The following SLC18B1 variants were observed in gnomAD, a reference collection of about 807,000 sequenced individuals.
The protein encoded by SLC18B1 is solute carrier family 18 member B1, also known as MFS-type transporter SLC18B1.
A neutral mutation model predicts 53.9 loss-of-function variants in SLC18B1; 62 were observed. The observed-to-expected ratio is 1.15, with a 90% confidence interval of 0.94 to 1.42. SLC18B1 has a LOEUF of 1.42. Ranked by LOEUF, SLC18B1 falls within the 40% of genes most tolerant of loss-of-function variation. The pLI is 0.00. For missense variants in SLC18B1, 598 were observed against 547.3 expected, an observed-to-expected ratio of 1.09 and a Z score of -0.93; for synonymous variants, 217 against 200.9, an observed-to-expected ratio of 1.08 and a Z score of -0.68.
In SLC18B1 at chr6:132,770,321, G is replaced by A. The variant is rs1183420415; in HGVS notation, c.1320C>T (p.Asn440=). ...YSRRKRSKSQ[N]ILSTEEERTT... Reference sequence around the variant, plus strand: ...TTCGTTCCTCCTCTGTGCTGAGGATGTTTTGAGATTTAGACCTACATTGAG... The same window carrying A: ...TTCGTTCCTCCTCTGTGCTGAGGATATTTTGAGATTTAGACCTACATTGAG... The change falls in exon 14 of 14, where the codon AAC becomes AAT. Residue 440 remains asparagine, a synonymous_variant. Transcript: ENST00000275227. 5 of 1,613,356 alleles carry A rather than the reference G, an allele frequency of 3.1e-6. No individual in the cohort carries two copies. The highest frequency in any genetic ancestry group is 1.3e-5 in the African/African-American group (1 of 74,914).
Position 132,772,199 on chromosome 6 carries a change from C to T in SLC18B1, c.1093G>A (p.Gly365Arg). The T allele has an allele frequency of 6.4e-7, 1 of 1,562,830 alleles. No individual in the cohort carries two copies. The highest frequency in any genetic ancestry group is 8.6e-7 in the Non-Finnish European group (1 of 1,162,166). The part of the protein sequence containing the change: ...PEILSCAHEN[G>R]FEEGLSTLGL... ...AATGTACTTAATCCCTCTTCAAACC[C>T]ATTTTCACTGCAAAAAGAGACATGA... Residue 365 changes from glycine (G) to arginine (R), a missense_variant, in exon 11 of 14, where the codon GGG becomes AGG. Coordinates refer to ENST00000275227, the MANE Select transcript of SLC18B1 (RefSeq NM_052831.3).
chr6:132,798,274 C>T lies in SLC18B1; in HGVS notation c.43+140G>A, dbSNP rs1007252722. 37 of 896,774 alleles carry T rather than the reference C, an allele frequency of 4.1e-5. No homozygotes were observed. The Admixed American group carries it at 7.5e-4, about 18-fold the overall frequency. 55.6% of individuals were successfully genotyped at this position (896,774 alleles called of 1,614,324 possible). A position where few individuals can be genotyped will look rare whatever the true frequency, so the allele number is the denominator to read the frequency against. ...CGTCCAGAGAGAAAAGAAACGCTGG[C>T]CCGAACCCCACGATCAGGCCCCAGC... is the stretch of plus-strand genomic sequence containing the variant. On this transcript the variant is annotated intron_variant, in intron 1 of 13. Transcript: ENST00000275227.
At position 132,770,334 on chromosome 6, in the gene SLC18B1, G is replaced by C; in HGVS notation, c.1307C>G (p.Ser436Cys). ...YLLEYSRRKR[S>C]KSQNILSTEE... ...TGTGCTGAGGATGTTTTGAGATTTA[G>C]ACCTACATTGAGGGAAAGAAGAGAT... Residue 436 changes from serine to cysteine, a missense_variant and splice_region_variant, in exon 14 of 14, where the codon TCT becomes TGT. Ser to Cys is a moderately radical substitution (Grantham distance 112). Transcript: ENST00000275227. The C allele has an allele frequency of 1.2e-6, 2 of 1,612,188 alleles. No individual in the cohort carries two copies.
chr6:132,792,564 G>A (rs190154656), intron 2 of SLC18B1, among the ~76,000 whole-genome samples: 38 of 152,038 alleles, frequency 2.5e-4, no homozygotes, highest in African/African-American at 8.0e-4. Flanking sequence ...ATTAAGTGCC[G>A]TTTTACATGG....
intron 4 of SLC18B1, among the ~76,000 whole-genome samples, chr6:132,789,228 C>A (rs1582869878): frequency 6.6e-6 from 1 of 152,168 alleles, no homozygotes; most frequent in East Asian, 1.9e-4. Flanking sequence ...AACATTCTTT[C>A]CCCATGGCTA....
intron 2 of SLC18B1, among the ~76,000 whole-genome samples, chr6:132,790,894 A>G (rs1344454450): frequency 1.3e-5 from 2 of 152,184 alleles, no homozygotes; most frequent in Non-Finnish European, 2.9e-5. Context: ...TTTATCATCC[A>G]TCAATTACAG....
intron 4 of SLC18B1, among the ~76,000 whole-genome samples, chr6:132,788,109 C>A (rs932168544): frequency 6.7e-6 from 1 of 150,168 alleles, no homozygotes; most frequent in African/African-American, 2.5e-5. Context: ...TGCAGTGAGC[C>A]GAGATCGTGC....
chr6:132,772,159 C>G lies in SLC18B1; in HGVS notation c.1133G>C (p.Gly378Ala), dbSNP rs1780992895. 6.3e-7 allele frequency: 1 copy of G among 1,580,598 alleles called. No individual in the cohort carries two copies. The highest frequency in any genetic ancestry group is 8.6e-7 in the Non-Finnish European group (1 of 1,168,794). Residue 378 changes from glycine (G) to alanine (A), a missense_variant, in exon 11 of 14, where the codon GGT becomes GCT. Coordinates refer to ENST00000275227, the MANE Select transcript of SLC18B1 (RefSeq NM_052831.3). The part of the protein sequence containing the change: ...EGLSTLGLVS[G>A]LFSAMWSIGA... ...AATTGACCACATTGCACTAAAAAGA[C>G]CTGATACAAGTCCCAATGTACTTAA...
chr6:132,786,506 T>G (rs548918202), intron 5 of SLC18B1, among the ~76,000 whole-genome samples: 3 of 125,904 alleles, frequency 2.4e-5, no homozygotes, highest in South Asian at 5.0e-4. Context: ...CCGAGATCGC[T>G]CCACTGCACT....
chr6:132,772,210 CAA>C lies in SLC18B1; in HGVS notation c.1086-6_1086-5del. On this transcript the variant is annotated splice_polypyrimidine_tract_variant and splice_region_variant and intron_variant, in intron 10 of 13. Coordinates refer to ENST00000275227, the MANE Select transcript of SLC18B1 (RefSeq NM_052831.3). ...TCCCTCTTCAAACCCATTTTCACTG[CAA>C]AAAGAGACATGAGTGTATCCATTAT... 6.5e-7 allele frequency: 1 copy of C among 1,548,554 alleles called. No individual in the cohort carries two copies. The highest frequency in any genetic ancestry group is 8.7e-7 in the Non-Finnish European group (1 of 1,153,774).
chr6:132,796,438 A>G (rs1213676550), intron 2 of SLC18B1, among the ~76,000 whole-genome samples: 1 of 150,244 alleles, frequency 6.7e-6, no homozygotes, highest in African/African-American at 2.5e-5. Context: ...AGGCAGGAGA[A>G]TCAATTGAAC....
At chr6:132,791,698 C>A (rs1359270371) in intron 2 of SLC18B1, among the ~76,000 whole-genome samples, 1 of 152,088 alleles carries the variant, frequency 6.6e-6, no homozygotes, top group African/African-American at 2.4e-5. Flanking sequence ...ATGGCTTGGG[C>A]ACGATTTAAG....
rs546041057 is a variant in SLC18B1, at chr6:132,779,501, G to A, written c.659-97C>T. Reference sequence around the variant, plus strand: ...AAACTGGTAACACCATCTTTATCTGGTAATCAAAATGACTCAATCTCTGAG... The same window carrying A: ...AAACTGGTAACACCATCTTTATCTGATAATCAAAATGACTCAATCTCTGAG... On this transcript the variant is annotated intron_variant, in intron 6 of 13. Coordinates refer to ENST00000275227, the MANE Select transcript of SLC18B1 (RefSeq NM_052831.3). 5.0e-4 allele frequency: 668 copies of A among 1,328,780 alleles called. 5 individuals are homozygous for A. The Middle Eastern group carries it at 5.2e-3, about 10-fold the overall frequency. The allele number at this position is 1,328,780 out of a possible 1,614,324, so 82.3% of individuals were successfully genotyped here. A position where few individuals can be genotyped will look rare whatever the true frequency, so the allele number is the denominator to read the frequency against.
chr6:132,797,199 A>T (rs1781717396), intron 1 of SLC18B1, 78 bp from the exon 2 acceptor site: 1 of 1,554,206 alleles, frequency 6.4e-7, no homozygotes, highest in African/African-American at 1.4e-5. Flanking sequence ...TTCTGTGCAC[A>T]TATGTTGCAC....
In SLC18B1 at chr6:132,776,311, A is replaced by G. The variant is rs770111761; in HGVS notation, c.897+17T>C. ...AAACATACAAAAGTGACTCAAATAT[A>G]AATTAAGTGTACGTACTGGCCTTTT... On this transcript the variant is annotated intron_variant, in intron 8 of 13. Coordinates refer to ENST00000275227, the MANE Select transcript of SLC18B1 (RefSeq NM_052831.3). 6.3e-6 allele frequency: 10 copies of G among 1,584,620 alleles called. No individual in the cohort carries two copies. Among genetic ancestry groups the G allele is most frequent in the African/African-American group, 1.3e-5 (1 of 74,254 alleles).
Position 132,771,142 on chromosome 6 carries a change from A to G in SLC18B1, c.1161-13T>C. On this transcript the variant is annotated splice_polypyrimidine_tract_variant and intron_variant, in intron 11 of 13. Transcript: ENST00000275227. ...TCCCATAAAAGCACTAACAATAGAA[A>G]GAAGAAAAAGTATTCAATAGTGCAA... 1.2e-6 allele frequency: 2 copies of G among 1,608,918 alleles called. No individual in the cohort carries two copies. Among genetic ancestry groups the G allele is most frequent in the Non-Finnish European group, 8.5e-7 (1 of 1,177,038 alleles).
At chr6:132,792,297 A>G (rs1781560483) in intron 2 of SLC18B1, among the ~76,000 whole-genome samples, 2 of 89,162 alleles carry the variant, frequency 2.2e-5, no homozygotes, top group South Asian at 4.1e-4. Context: ...GAAAGGAAGG[A>G]AGGAAGGAAG....
chr6:132,788,054 G>A (rs918393589), intron 4 of SLC18B1, among the ~76,000 whole-genome samples: 5 of 151,866 alleles, frequency 3.3e-5, no homozygotes, highest in South Asian at 2.1e-4. Context: ...CCAGCTACTC[G>A]GGAGGCTGAG....
chr6:132,790,567 C>A (rs7770641), intron 2 of SLC18B1, among the ~76,000 whole-genome samples: 1 of 152,088 alleles, frequency 6.6e-6, no homozygotes, highest in South Asian at 2.1e-4. Context: ...AAAAAAAATG[C>A]CTTGGATAAG....
Sources: allele counts gnomAD v4.1 joint callset (sites outside exome capture counted in the v4.1 genomes callset), GRCh38; gene constraint gnomAD v4.1.1; transcripts MANE v1.5; gene names NCBI Gene and HGNC (gene_info 2026-07-23, HGNC 2026-07-21).